Variants in B3GALT4 observed in about 807,000 individuals in gnomAD.
The protein encoded by B3GALT4 is UDP-Gal:betaGlcNAc beta 1,3-galactosyltransferase 4.
In B3GALT4, 1 loss-of-function variant was observed where a neutral mutation model predicts 1.6. That is an observed-to-expected ratio of 0.64 (90% CI 0.23 to 3.05). The LOEUF is 3.05. B3GALT4 is among the 30% of genes most tolerant of loss of function. The probability of loss-of-function intolerance (pLI) is 0.21; values close to 1 mark genes in which losing one functional copy is unlikely to be tolerated. For synonymous variants in B3GALT4, 259 were observed against 222.6 expected, an observed-to-expected ratio of 1.16 and a Z score of -1.46; for missense variants, 441 against 486.9, an observed-to-expected ratio of 0.91 and a Z score of 0.89.
In B3GALT4 at chr6:33,277,734, A is replaced by C; in HGVS notation, c.315A>C (p.Val105=). 1 of 1,613,766 alleles carries C rather than the reference A, an allele frequency of 6.2e-7. No individual in the cohort carries two copies. Among genetic ancestry groups the C allele is most frequent in the Non-Finnish European group, 8.5e-7 (1 of 1,180,004 alleles). The change falls in exon 1 of 1, where the codon GTA becomes GTC. Residue 105 remains valine, a synonymous_variant. Transcript: ENST00000451237. This position sits in a 1 kb window ranked among gnomAD's most constrained non-coding sequence, Gnocchi z 5.3. ...GGLREARGLR[V]QTLFLLGEPN... is the part of the protein sequence containing the mutation. ...TGCGCGAGGCCCGGGGGCTCAGGGT[A>C]CAGACGCTATTCTTGCTGGGAGAGC...
At position 33,277,639 on chromosome 6, in the gene B3GALT4, C is replaced by T. The variant is rs2150887189; in HGVS notation, c.220C>T (p.Leu74Phe). ...CSGPGAPPFL[L>F]ILVCTAPENL... ...TGGTCCCGGGGCCCCTCCCTTCCTGCTCATCCTGGTGTGCACGGCTCCGGA... is the reference window on the plus strand; with the variant it reads ...TGGTCCCGGGGCCCCTCCCTTCCTGTTCATCCTGGTGTGCACGGCTCCGGA... Residue 74 changes from leucine (L) to phenylalanine (F), a missense_variant, in exon 1 of 1, where the codon CTC (leucine) becomes TTC (phenylalanine). Leu to Phe is a conservative substitution (Grantham distance 22). Coordinates refer to ENST00000451237, the MANE Select transcript of B3GALT4 (RefSeq NM_003782.4). The surrounding 1 kb of genome is among the most constrained non-coding windows in gnomAD (Gnocchi z 5.3). The T allele has an allele frequency of 1.9e-6, 3 of 1,613,796 alleles. No individual in the cohort carries two copies. The East Asian group carries it at 6.7e-5, about 36-fold the overall frequency.
Position 33,278,614 on chromosome 6 carries a change from G to A in B3GALT4, c.*58G>A. ...GGACCTTCTCTCTCCCAGGCCCAAC[G>A]CAGGGGCCCTCACTGGCTGCAGCTG... is the stretch of plus-strand genomic sequence containing the variant. On this transcript the variant is annotated 3_prime_UTR_variant, in exon 1 of 1. Coordinates refer to ENST00000451237, the MANE Select transcript of B3GALT4 (RefSeq NM_003782.4). This position sits in a 1 kb window ranked among gnomAD's most constrained non-coding sequence, Gnocchi z 5.2. 15 of 1,501,130 alleles carry A rather than the reference G, an allele frequency of 1.0e-5. No homozygotes were observed. Among genetic ancestry groups the A allele is most frequent in the Non-Finnish European group, 1.2e-5 (14 of 1,124,882 alleles). 93.0% of individuals were successfully genotyped at this position (1,501,130 alleles called of 1,614,324 possible).
In B3GALT4 at chr6:33,278,140, G is replaced by C. The variant is rs2231260; in HGVS notation, c.721G>C (p.Gly241Arg). ...HWRVNPSRTP[G>R]GRHRVSEEQW... ...GCGCGTGAACCCCTCTCGGACACCG[G>C]GGGGCAGGCACCGCGTATCAGAGGA... The change falls in exon 1 of 1, where the codon GGG (glycine) becomes CGG (arginine). Residue 241 changes from glycine to arginine, a missense_variant. Gly to Arg is a moderately radical substitution (Grantham distance 125). Coordinates refer to ENST00000451237, the MANE Select transcript of B3GALT4 (RefSeq NM_003782.4). The surrounding 1 kb of genome is among the most constrained non-coding windows in gnomAD (Gnocchi z 5.2). The C allele has an allele frequency of 1.2e-5, 20 of 1,613,600 alleles. No homozygotes were observed. In the Admixed American group the frequency reaches 1.5e-4, roughly 12 times the overall value.
At position 33,278,099 on chromosome 6, in the gene B3GALT4, T is replaced by TG; in HGVS notation, c.683dup (p.Arg229ProfsTer122). 9 of 1,613,752 alleles carry TG rather than the reference T, an allele frequency of 5.6e-6. No homozygotes were observed. Among genetic ancestry groups the TG allele is most frequent in the Non-Finnish European group, 7.6e-6 (9 of 1,179,898 alleles). On this transcript the variant is annotated frameshift_variant, in exon 1 of 1. Transcript: ENST00000451237. LOFTEE classifies it low-confidence loss of function (END_TRUNC). The surrounding 1 kb of genome is among the most constrained non-coding windows in gnomAD (Gnocchi z 5.2). ...AGCGAGGAAGTGCCTCTTCTGTACT[T>TG]GGGCCGGGTGCACTGGCGCGTGAAC...
rs765360254 is a variant in B3GALT4, at chr6:33,277,816, G to A, written c.397G>A (p.Ala133Thr). 1 of 1,613,780 alleles carries A rather than the reference G, an allele frequency of 6.2e-7. No homozygotes were observed. Among genetic ancestry groups the A allele is most frequent in the Non-Finnish European group, 8.5e-7 (1 of 1,180,012 alleles). ...SQGSDLASES[A>T]AQGDILQAAF... ...GGGGAGTGACCTGGCCTCGGAGTCAGCAGCCCAGGGGGATATCTTGCAGGC... is the reference window on the plus strand; with the variant it reads ...GGGGAGTGACCTGGCCTCGGAGTCAACAGCCCAGGGGGATATCTTGCAGGC... Residue 133 changes from alanine (A) to threonine (T), a missense_variant, in exon 1 of 1, where the codon GCA becomes ACA. Physicochemically the swap from Ala to Thr is moderately conservative, Grantham distance 58. Coordinates refer to ENST00000451237, the MANE Select transcript of B3GALT4 (RefSeq NM_003782.4). This position sits in a 1 kb window ranked among gnomAD's most constrained non-coding sequence, Gnocchi z 5.3.
chr6:33,278,409 G>A lies in B3GALT4; in HGVS notation c.990G>A (p.Thr330=), dbSNP rs1765818367. 4 of 1,610,094 alleles carry A rather than the reference G, an allele frequency of 2.5e-6. No homozygotes were observed. The highest frequency in any genetic ancestry group is 2.5e-6 in the Non-Finnish European group (3 of 1,177,538). The change falls in exon 1 of 1, where the codon ACG becomes ACA. Residue 330 remains threonine, a synonymous_variant. Transcript: ENST00000451237. The surrounding 1 kb of genome is among the most constrained non-coding windows in gnomAD (Gnocchi z 5.2). ...DRCCYGKFLL[T]SHRLDPWKMQ... ...GCTGCTATGGGAAATTCCTGCTGAC[G>A]TCCCACAGGCTGGACCCCTGGAAGA...
In B3GALT4 at chr6:33,277,439, G is replaced by A. The variant is rs1297214799; in HGVS notation, c.20G>A (p.Arg7Gln). ...CGCACCATGCAGCTCAGGCTCTTCC[G>A]GCGCCTCCTTCTCGCCGCTTTGCTG... MQLRLF[R>Q]RLLLAALLLV... Residue 7 changes from arginine to glutamine, a missense_variant, in exon 1 of 1, where the codon CGG (arginine) becomes CAG (glutamine). Coordinates refer to ENST00000451237, the MANE Select transcript of B3GALT4 (RefSeq NM_003782.4). This position sits in a 1 kb window ranked among gnomAD's most constrained non-coding sequence, Gnocchi z 5.3. 1.2e-6 allele frequency: 2 copies of A among 1,611,796 alleles called. No individual in the cohort carries two copies. The highest frequency in any genetic ancestry group is 1.1e-5 in the South Asian group (1 of 91,024).
At position 33,277,624 on chromosome 6, in the gene B3GALT4, G is replaced by C. The variant is rs775999984; in HGVS notation, c.205G>C (p.Ala69Pro). 2 of 1,613,272 alleles carry C rather than the reference G, an allele frequency of 1.2e-6. No individual in the cohort carries two copies. Among genetic ancestry groups the C allele is most frequent in the African/African-American group, 1.3e-5 (1 of 74,918 alleles). Residue 69 changes from alanine (A) to proline (P), a missense_variant, in exon 1 of 1, where the codon GCC becomes CCC. Coordinates refer to ENST00000451237, the MANE Select transcript of B3GALT4 (RefSeq NM_003782.4). This position sits in a 1 kb window ranked among gnomAD's most constrained non-coding sequence, Gnocchi z 5.3. ...PNQEACSGPG[A>P]PPFLLILVCT... ...CCAGGAAGCTTGCAGTGGTCCCGGG[G>C]CCCCTCCCTTCCTGCTCATCCTGGT...
chr6:33,278,496 C>T lies in B3GALT4; in HGVS notation c.1077C>T (p.Ser359=), dbSNP rs1383219863. The change falls in exon 1 of 1, where the codon TCC becomes TCT. Residue 359 remains serine (S), a synonymous_variant. Coordinates refer to ENST00000451237, the MANE Select transcript of B3GALT4 (RefSeq NM_003782.4). The surrounding 1 kb of genome is among the most constrained non-coding windows in gnomAD (Gnocchi z 5.2). Reference sequence around the variant, plus strand: ...GGGAAAGGACTGCGCCCTTTTGCTCCTGGTTCCAGGGAGTCCTGGGCATCC... The same window carrying T: ...GGGAAAGGACTGCGCCCTTTTGCTCTTGGTTCCAGGGAGTCCTGGGCATCC... ...SDGERTAPFC[S]WFQGVLGILR... 5.7e-6 allele frequency: 9 copies of T among 1,586,282 alleles called. No homozygotes were observed. Among genetic ancestry groups the T allele is most frequent in the Non-Finnish European group, 7.7e-6 (9 of 1,165,272 alleles).
rs1048038899 is a variant in B3GALT4, at chr6:33,277,394, C to G, written c.-26C>G. On this transcript the variant is annotated 5_prime_UTR_variant, in exon 1 of 1. Transcript: ENST00000451237. This position sits in a 1 kb window ranked among gnomAD's most constrained non-coding sequence, Gnocchi z 5.3. ...AGCTAGTCTCCGCCCTTCGCTCTTA[C>G]GGATCCCCTCGGAGTACGCCGCACC... 1 of 1,601,548 alleles carries G rather than the reference C, an allele frequency of 6.2e-7. No homozygotes were observed.
chr6:33,277,284 G>A lies in B3GALT4; in HGVS notation c.-136G>A, dbSNP rs1765710089. 1 of 1,455,930 alleles carries A rather than the reference G, an allele frequency of 6.9e-7. No homozygotes were observed. The highest frequency in any genetic ancestry group is 9.0e-7 in the Non-Finnish European group (1 of 1,106,714). 90.2% of individuals were successfully genotyped at this position (1,455,930 alleles called of 1,614,324 possible). Reference sequence around the variant, plus strand: ...CTGCACCGCCTCTCCCCGCCCCCCAGGGTGCGCTGGTCCCGGTCGCGCGCT... The same window carrying A: ...CTGCACCGCCTCTCCCCGCCCCCCAAGGTGCGCTGGTCCCGGTCGCGCGCT... On this transcript the variant is annotated 5_prime_UTR_variant, in exon 1 of 1. Transcript: ENST00000451237. The surrounding 1 kb of genome is among the most constrained non-coding windows in gnomAD (Gnocchi z 5.3).
Position 33,278,616 on chromosome 6 carries a change from A to C in B3GALT4, c.*60A>C, listed in dbSNP as rs1765837841. On this transcript the variant is annotated 3_prime_UTR_variant, in exon 1 of 1. Transcript: ENST00000451237. This position sits in a 1 kb window ranked among gnomAD's most constrained non-coding sequence, Gnocchi z 5.2. ...ACCTTCTCTCTCCCAGGCCCAACGC[A>C]GGGGCCCTCACTGGCTGCAGCTGAT... 1.3e-6 allele frequency: 2 copies of C among 1,500,946 alleles called. No homozygotes were observed. The highest frequency in any genetic ancestry group is 1.8e-6 in the Non-Finnish European group (2 of 1,124,784). The allele number at this position is 1,500,946 out of a possible 1,614,324, so 93.0% of individuals were successfully genotyped here. A position where few individuals can be genotyped will look rare whatever the true frequency, so the allele number is the denominator to read the frequency against.
Position 33,278,640 on chromosome 6 carries a change from ATC to A in B3GALT4, c.*86_*87del. The A allele has an allele frequency of 2.0e-6, 3 of 1,489,388 alleles. No homozygotes were observed. Among genetic ancestry groups the A allele is most frequent in the Non-Finnish European group, 2.7e-6 (3 of 1,118,856 alleles). The allele number at this position is 1,489,388 out of a possible 1,614,324, so 92.3% of individuals were successfully genotyped here. A position where few individuals can be genotyped will look rare whatever the true frequency, so the allele number is the denominator to read the frequency against. On this transcript the variant is annotated 3_prime_UTR_variant, in exon 1 of 1. Transcript: ENST00000451237. The surrounding 1 kb of genome is among the most constrained non-coding windows in gnomAD (Gnocchi z 5.2). ...CAGGGGCCCTCACTGGCTGCAGCTGATCTGTTTCCTTATACCAGATCCTCAGT... is the reference window on the plus strand; with the variant it reads ...CAGGGGCCCTCACTGGCTGCAGCTGATGTTTCCTTATACCAGATCCTCAGT...
Position 33,278,228 on chromosome 6 carries a change from C to T in B3GALT4, c.809C>T (p.Ser270Leu). The T allele has an allele frequency of 6.2e-7, 1 of 1,612,516 alleles. No homozygotes were observed. Among genetic ancestry groups the T allele is most frequent in the Non-Finnish European group, 8.5e-7 (1 of 1,180,016 alleles). The change falls in exon 1 of 1, where the codon TCA (serine) becomes TTA (leucine). Residue 270 changes from serine to leucine, a missense_variant. Coordinates refer to ENST00000451237, the MANE Select transcript of B3GALT4 (RefSeq NM_003782.4). The surrounding 1 kb of genome is among the most constrained non-coding windows in gnomAD (Gnocchi z 5.2). ...GCCTCAGGCACGGGGTATGTGCTGT[C>T]AGCGTCTGCTGTGCAGCTCATTCTC... ...PYASGTGYVLSASAVQLILKV... is the reference protein window; with the variant it reads ...PYASGTGYVLLASAVQLILKV...
chr6:33,277,766 C>T lies in B3GALT4; in HGVS notation c.347C>T (p.Ala116Val). 2 of 1,613,736 alleles carry T rather than the reference C, an allele frequency of 1.2e-6. No individual in the cohort carries two copies. The highest frequency in any genetic ancestry group is 1.1e-5 in the South Asian group (1 of 91,084). Residue 116 changes from alanine (A) to valine (V), a missense_variant, in exon 1 of 1, where the codon GCA becomes GTA. Coordinates refer to ENST00000451237, the MANE Select transcript of B3GALT4 (RefSeq NM_003782.4). This position sits in a 1 kb window ranked among gnomAD's most constrained non-coding sequence, Gnocchi z 5.3. Reference sequence around the variant, plus strand: ...CTATTCTTGCTGGGAGAGCCGAACGCACAGCACCCCGTGTGGGGTTCCCAG... The same window carrying T: ...CTATTCTTGCTGGGAGAGCCGAACGTACAGCACCCCGTGTGGGGTTCCCAG... ...QTLFLLGEPNAQHPVWGSQGS... is the reference protein window; with the variant it reads ...QTLFLLGEPNVQHPVWGSQGS...
rs1161112391 is a variant in B3GALT4 at position 33,277,549 on chromosome 6, C to G, written c.130C>G (p.Pro44Ala). 1.2e-6 allele frequency: 2 copies of G among 1,611,938 alleles called. No homozygotes were observed. Reference sequence around the variant, plus strand: ...CTCACTAGCCTCCCTGCTCCCAGCCCCCGCCTCACCGGGGCCGCCCCTGGC... The same window carrying G: ...CTCACTAGCCTCCCTGCTCCCAGCCGCCGCCTCACCGGGGCCGCCCCTGGC... ...SLSLASLLPA[P>A]ASPGPPLALP... is the part of the protein sequence containing the mutation. The change falls in exon 1 of 1, where the codon CCC (proline) becomes GCC (alanine). Residue 44 changes from proline (P) to alanine (A), a missense_variant. Pro to Ala is a conservative substitution (Grantham distance 27, BLOSUM62 -1). Transcript: ENST00000451237. The surrounding 1 kb of genome is among the most constrained non-coding windows in gnomAD (Gnocchi z 5.3).
Position 33,277,671 on chromosome 6 carries a change from G to T in B3GALT4, c.252G>T (p.Leu84=), listed in dbSNP as rs757078735. The T allele has an allele frequency of 6.2e-7, 1 of 1,613,980 alleles. No individual in the cohort carries two copies. Among genetic ancestry groups the T allele is most frequent in the Non-Finnish European group, 8.5e-7 (1 of 1,180,028 alleles). Residue 84 remains leucine, a synonymous_variant, in exon 1 of 1, where the codon CTG becomes CTT. Transcript: ENST00000451237. The surrounding 1 kb of genome is among the most constrained non-coding windows in gnomAD (Gnocchi z 5.3). ...TGGTGTGCACGGCTCCGGAGAACCT[G>T]AACCAGAGAAACGCCATTCGGGCTT... The part of the protein sequence containing the change: ...LILVCTAPEN[L]NQRNAIRASW...
In B3GALT4 at chr6:33,277,616, G is replaced by A; in HGVS notation, c.197G>A (p.Gly66Asp). 1 of 1,613,206 alleles carries A rather than the reference G, an allele frequency of 6.2e-7. No individual in the cohort carries two copies. Among genetic ancestry groups the A allele is most frequent in the Non-Finnish European group, 8.5e-7 (1 of 1,179,634 alleles). ...LLIPNQEACS[G>D]PGAPPFLLIL... is the part of the protein sequence containing the mutation. ...ATCCCCAACCAGGAAGCTTGCAGTGGTCCCGGGGCCCCTCCCTTCCTGCTC... is the reference window on the plus strand; with the variant it reads ...ATCCCCAACCAGGAAGCTTGCAGTGATCCCGGGGCCCCTCCCTTCCTGCTC... The change falls in exon 1 of 1, where the codon GGT (glycine) becomes GAT (aspartate). Residue 66 changes from glycine (G) to aspartate (D), a missense_variant. By Grantham distance (94) the Gly-to-Asp change is moderately conservative. Coordinates refer to ENST00000451237, the MANE Select transcript of B3GALT4 (RefSeq NM_003782.4). This position sits in a 1 kb window ranked among gnomAD's most constrained non-coding sequence, Gnocchi z 5.3.
Position 33,278,382 on chromosome 6 carries a change from GTGC to G in B3GALT4, c.968_970del (p.Cys323del). 1 of 1,607,322 alleles carries G rather than the reference GTGC, an allele frequency of 6.2e-7. No homozygotes were observed. Among genetic ancestry groups the G allele is most frequent in the Non-Finnish European group, 8.5e-7 (1 of 1,175,668 alleles). On this transcript the variant is annotated inframe_deletion, in exon 1 of 1. Coordinates refer to ENST00000451237, the MANE Select transcript of B3GALT4 (RefSeq NM_003782.4). This position sits in a 1 kb window ranked among gnomAD's most constrained non-coding sequence, Gnocchi z 5.2. The stretch of plus-strand genomic sequence containing the variant: ...GTGCCACCCACTACCCGCTAGACCG[GTGC>G]TGCTATGGGAAATTCCTGCTGACGT...
Sources: gnomAD v4.1 joint callset for allele counts on GRCh38, gnomAD v4.1.1 for gene constraint, Gnocchi (gnomAD v3.1) non-coding constraint, MANE v1.5 for transcripts, NCBI Gene and HGNC (gene_info 2026-07-23, HGNC 2026-07-21) for gene names.